Variants in CTNNA3 observed in about 807,000 individuals in gnomAD.
CTNNA3 encodes the protein catenin alpha 3.
In CTNNA3, 76 loss-of-function variants were observed where a neutral mutation model predicts 95.7. The ratio of observed to expected loss-of-function variants is 0.79; its 90% CI spans 0.66 to 0.96. The LOEUF is 0.96. Among genes scored for constraint, CTNNA3 ranks in the 40% least tolerant of loss-of-function variants. CTNNA3 has a pLI of 0.00. For missense variants in CTNNA3, 1,191 were observed against 1,089.8 expected, an observed-to-expected ratio of 1.09 and a Z score of -1.31; for synonymous variants, 431 against 374.4, an observed-to-expected ratio of 1.15 and a Z score of -1.74.
In CTNNA3 at chr10:67,089,454, C is replaced by G. The variant is rs149313192; in HGVS notation, c.1047+90863G>C. On this transcript the variant is annotated intron_variant, in intron 7 of 17. Coordinates refer to ENST00000433211, the MANE Select transcript of CTNNA3 (RefSeq NM_013266.4). ...GCCTGTTGTACTCACACCAATTAAC[C>G]ATTGGAATGCTAAAGAGTTCTAGGA... 7.9e-4 allele frequency among the ~76,000 whole-genome samples: 120 copies of G among 151,904 alleles called. No individual in the cohort carries two copies. In the East Asian group the frequency reaches 0.021, roughly 27 times the overall value.
intron 11 of CTNNA3, among the ~76,000 whole-genome samples, chr10:66,439,752 A>G (rs2093363239): frequency 6.6e-6 from 1 of 152,180 alleles, no homozygotes; most frequent in Non-Finnish European, 1.5e-5. Context: ...TTTTACCTCA[A>G]CAATAAACGA....
intron 13 of CTNNA3, among the ~76,000 whole-genome samples, chr10:66,163,781 A>G (rs1357945349): frequency 6.6e-6 from 1 of 152,216 alleles, no homozygotes; most frequent in Non-Finnish European, 1.5e-5. Flanking sequence ...CTGCATGACC[A>G]TGTTCAAGTT....
intron 2 of CTNNA3, among the ~76,000 whole-genome samples, chr10:67,610,345 A>C (rs1280334695): frequency 6.6e-6 from 1 of 152,262 alleles, no homozygotes; most frequent in Non-Finnish European, 1.5e-5. Context: ...AGGCAATTGC[A>C]ACTTGCAAGT....
At chr10:67,606,118 C>T (rs1242666025) in intron 3 of CTNNA3, among the ~76,000 whole-genome samples, 4 of 152,230 alleles carry the variant, frequency 2.6e-5, no homozygotes, top group East Asian at 1.9e-4. Context: ...ATTTAAAAAT[C>T]CCAAGTCTCT....
chr10:66,710,886 G>C (rs538783196), intron 9 of CTNNA3, among the ~76,000 whole-genome samples: 19 of 151,798 alleles, frequency 1.3e-4, no homozygotes, highest in African/African-American at 4.6e-4. Context: ...GTTTGCATCA[G>C]GTATGTTGCA....
chr10:66,351,522 A>G, intron 12 of CTNNA3, among the ~76,000 whole-genome samples: 1 of 152,096 alleles, frequency 6.6e-6, no homozygotes, highest in East Asian at 1.9e-4. Context: ...ACATTTAACA[A>G]TATGATTGCT....
rs180682850 is a variant in CTNNA3 at position 65,938,264 on chromosome 10, T to C, written c.2401-17647A>G. 1.8e-4 allele frequency among the ~76,000 whole-genome samples: 27 copies of C among 152,322 alleles called. No homozygotes were observed. In the East Asian group the frequency reaches 3.9e-3, roughly 22 times the overall value. On this transcript the variant is annotated intron_variant, in intron 17 of 17. Transcript: ENST00000433211. ...CTTTGTTTCACTTTCCTGATTTTGA[T>C]ACTTAAACGTGCTTCGTAAACCATC...
intron 5 of CTNNA3, among the ~76,000 whole-genome samples, chr10:67,331,066 C>T (rs900138878): frequency 6.6e-6 from 1 of 152,164 alleles, no homozygotes; most frequent in African/African-American, 2.4e-5. Context: ...TTCCCACACA[C>T]ATTCAAAATT....
chr10:67,029,697 G>A (rs566140324), intron 7 of CTNNA3, among the ~76,000 whole-genome samples: 6 of 152,218 alleles, frequency 3.9e-5, no homozygotes, highest in African/African-American at 7.2e-5. Context: ...CTACTAAAGC[G>A]TAAAACAAAA....
chr10:67,002,961 T>A (rs915626204), intron 7 of CTNNA3, among the ~76,000 whole-genome samples: 3 of 152,200 alleles, frequency 2.0e-5, no homozygotes, highest in Non-Finnish European at 2.9e-5. Flanking sequence ...TTCGTAAGAC[T>A]TGTGGCTGCC....
At chr10:66,356,189 T>C (rs2092609077) in intron 12 of CTNNA3, among the ~76,000 whole-genome samples, 1 of 151,302 alleles carries the variant, frequency 6.6e-6, no homozygotes, top group Admixed American at 6.6e-5. Context: ...TTTTTGTAAT[T>C]CTTTCTTTAG....
At chr10:67,470,642 A>AACACAC (rs10695283) in intron 5 of CTNNA3, among the ~76,000 whole-genome samples, 1,693 of 148,676 alleles carry the variant, frequency 0.011, 34 homozygotes, top group African/African-American at 0.039. Context: ...GCAAGTTTGC[A>AACACAC]ACACACACAC....
At chr10:67,744,426 G>A (rs1477360131) in intron 1 of CTNNA3, among the ~76,000 whole-genome samples, 2 of 151,244 alleles carry the variant, frequency 1.3e-5, no homozygotes, top group African/African-American at 4.8e-5. Flanking sequence ...TTAATAAATG[G>A]TGCTGGGAAA....
At chr10:67,482,157 T>C (rs1467916014) in intron 5 of CTNNA3, among the ~76,000 whole-genome samples, 5 of 150,326 alleles carry the variant, frequency 3.3e-5, no homozygotes, top group Non-Finnish European at 7.5e-5. Flanking sequence ...TGTAGCCTTG[T>C]AGTATAGTTT....
chr10:66,292,541 T>C (rs902593146), intron 12 of CTNNA3, among the ~76,000 whole-genome samples: 1 of 152,156 alleles, frequency 6.6e-6, no homozygotes, highest in Non-Finnish European at 1.5e-5. Context: ...TCCTATTCAC[T>C]AAAGTTCTGC....
intron 13 of CTNNA3, among the ~76,000 whole-genome samples, chr10:66,254,268 A>G (rs2090672478): frequency 6.6e-6 from 1 of 152,154 alleles, no homozygotes; most frequent in African/African-American, 2.4e-5. Context: ...CTATTATCAA[A>G]AGCATGCATC....
At chr10:66,389,131 T>A (rs780048002) in intron 11 of CTNNA3, among the ~76,000 whole-genome samples, 23 of 152,182 alleles carry the variant, frequency 1.5e-4, no homozygotes, top group African/African-American at 5.5e-4. Context: ...TTCCTACTGT[T>A]GAATCTCTTT....
At chr10:67,546,876 A>T (rs1840860241) in intron 3 of CTNNA3, among the ~76,000 whole-genome samples, 2 of 152,220 alleles carry the variant, frequency 1.3e-5, no homozygotes, top group Non-Finnish European at 2.9e-5. Context: ...CACTTAAATT[A>T]TACTATGATG....
chr10:66,359,006 G>A (rs1564894474), intron 12 of CTNNA3, among the ~76,000 whole-genome samples: 1 of 152,110 alleles, frequency 6.6e-6, no homozygotes, highest in Non-Finnish European at 1.5e-5. Context: ...CTCAACCACA[G>A]TTAAACAACT....
Sources: gnomAD v4.1 joint callset for allele counts (sites outside exome capture counted in the v4.1 genomes callset) on GRCh38, gnomAD v4.1.1 for gene constraint, MANE v1.5 for transcripts, NCBI Gene and HGNC (gene_info 2026-07-23, HGNC 2026-07-21) for gene names.